Variants in NT5DC1 observed in about 807,000 individuals in gnomAD.
NT5DC1 encodes the protein 5'-nucleotidase domain containing 1, also known as 5'-nucleotidase domain-containing protein 1.
In NT5DC1, 42 loss-of-function variants were observed where a neutral mutation model predicts 59.4. The ratio of observed to expected loss-of-function variants is 0.71; its 90% confidence interval spans 0.55 to 0.92. NT5DC1 has a LOEUF of 0.92. Ranked by LOEUF, NT5DC1 falls within the 40% of genes least tolerant of loss-of-function variation. The pLI is 0.00. For synonymous variants in NT5DC1, 172 were observed against 188.1 expected (o/e 0.91, Z 0.70); for missense variants, 501 against 537.1 (o/e 0.93, Z 0.66).
intron 8 of NT5DC1, among the ~76,000 whole-genome samples, chr6:116,226,888 A>G (rs1303248391): frequency 6.6e-6 from 1 of 152,116 alleles, no homozygotes; most frequent in Non-Finnish European, 1.5e-5. Flanking sequence ...ATGTTGTACA[A>G]CATGGTATTT....
Position 116,244,008 on chromosome 6 carries a change from CA to C in NT5DC1, c.1353del (p.Leu452Ter). 1 of 1,387,226 alleles carries C rather than the reference CA, an allele frequency of 7.2e-7. No individual in the cohort carries two copies. Among genetic ancestry groups the C allele is most frequent in the Non-Finnish European group, 1.0e-6 (1 of 988,302 alleles). 85.9% of individuals were successfully genotyped at this position (1,387,226 alleles called of 1,614,324 possible). The part of the protein sequence containing the change: ...NPPLVLSSDE[T>X]LISK ...CCACTGGTCTTATCAAGTGATGAGA[CA>C]CTGATATCCAAATAAGTTGTCTTTA... On this transcript the variant is annotated frameshift_variant, in exon 12 of 12. Transcript: ENST00000319550. LOFTEE classifies it high-confidence loss of function.
chr6:116,216,222 A>G (rs1440177487), intron 6 of NT5DC1, among the ~76,000 whole-genome samples: 2 of 152,190 alleles, frequency 1.3e-5, no homozygotes, highest in Non-Finnish European at 2.9e-5. Flanking sequence ...GGTAATAAAG[A>G]TACTATAAAA....
chr6:116,162,677 A>G (rs577808993), intron 6 of NT5DC1, among the ~76,000 whole-genome samples: 26 of 152,250 alleles, frequency 1.7e-4, no homozygotes, highest in Admixed American at 6.5e-4. Context: ...TCAGTTTGCT[A>G]GTATTTTGTT....
At chr6:116,195,841 T>C (rs1781213648) in intron 6 of NT5DC1, among the ~76,000 whole-genome samples, 2 of 151,958 alleles carry the variant, frequency 1.3e-5, no homozygotes, top group Admixed American at 1.3e-4. Context: ...ACCAAAGAGA[T>C]GCTATTTTCT....
intron 10 of NT5DC1, 114 bp downstream of exon 10, chr6:116,238,462 GT>G (rs1332432067): frequency 5.2e-6 from 1 of 191,406 alleles, no homozygotes. Context: ...ATACCATCAT[GT>G]TAAAAAAAAA....
chr6:116,238,999 C>T lies in NT5DC1; in HGVS notation c.1128C>T (p.Gly376=). ...TAAATACTTCATCTAAAAAATGGGG[C>T]TCTTTTTTTATTGATTCAGTTTTGG... The part of the protein sequence containing the change: ...KPLNTSSKKW[G]SFFIDSVLGL... The change falls in exon 11 of 12, where the codon GGC becomes GGT. Residue 376 remains glycine, a synonymous_variant. Transcript: ENST00000319550. 1 of 1,608,062 alleles carries T rather than the reference C, an allele frequency of 6.2e-7. No homozygotes were observed.
chr6:116,228,027 G>C lies in NT5DC1; in HGVS notation c.802+4896G>C, dbSNP rs547800233. Among the ~76,000 whole-genome samples the C allele has an allele frequency of 5.3e-5, 8 of 152,254 alleles. No homozygotes were observed. In the South Asian group the frequency reaches 8.3e-4, roughly 16 times the overall value. ...ATTTCGGGATATAGCCAGAAAGTCT[G>C]ATAAAAATTTCATTTTAACTAGCAG... On this transcript the variant is annotated intron_variant, in intron 8 of 11. Coordinates refer to ENST00000319550, the MANE Select transcript of NT5DC1 (RefSeq NM_152729.3).
chr6:116,121,753 T>C (rs775083247), intron 6 of NT5DC1: 1 of 1,613,772 alleles, frequency 6.2e-7, no homozygotes, highest in Non-Finnish European at 8.5e-7. Context: ...GTCCATATGG[T>C]CCTCTCTCTC....
At chr6:116,151,262 G>T (rs1315637580) in intron 6 of NT5DC1, among the ~76,000 whole-genome samples, 1 of 152,158 alleles carries the variant, frequency 6.6e-6, no homozygotes, top group South Asian at 2.1e-4. Context: ...ATCAGAATAT[G>T]TGGGCCTGTG....
chr6:116,192,453 G>A (rs1275495713), intron 6 of NT5DC1, among the ~76,000 whole-genome samples: 3 of 151,956 alleles, frequency 2.0e-5, no homozygotes, highest in Admixed American at 2.0e-4. Context: ...TAGTACTAGG[G>A]TTTAACTATA....
rs190041231 is a variant in NT5DC1, at chr6:116,249,068, G to T, written c.*5044G>T. On this transcript the variant is annotated 3_prime_UTR_variant, in exon 12 of 12. Coordinates refer to ENST00000319550, the MANE Select transcript of NT5DC1 (RefSeq NM_152729.3). Reference sequence around the variant, plus strand: ...AAAGGTATAATAAAGCTTGAAACAGGTGGCTGACAATGCAGAAATCAATCA... The same window carrying T: ...AAAGGTATAATAAAGCTTGAAACAGTTGGCTGACAATGCAGAAATCAATCA... The T allele has an allele frequency of 6.6e-6, 1 of 152,188 alleles. No individual in the cohort carries two copies. The highest frequency in any genetic ancestry group is 2.4e-5 in the African/African-American group (1 of 41,438). The allele number at this position is 152,188 out of a possible 1,614,324, so 9.4% of individuals were successfully genotyped here. A position where few individuals can be genotyped will look rare whatever the true frequency, so the allele number is the denominator to read the frequency against.
At chr6:116,116,575 G>T (rs1180543702) in intron 5 of NT5DC1, among the ~76,000 whole-genome samples, 1 of 152,186 alleles carries the variant, frequency 6.6e-6, no homozygotes, top group African/African-American at 2.4e-5. Flanking sequence ...CCGGGAGGCA[G>T]ATGTTGCAGT....
chr6:116,200,632 G>A lies in NT5DC1; in HGVS notation c.530-20422G>A, dbSNP rs182557908. The stretch of plus-strand genomic sequence containing the variant: ...TTATTTTATCCAGAAGGATATTATC[G>A]AGCTCTGGTATATAATTCCCTTAGT... On this transcript the variant is annotated intron_variant, in intron 6 of 11. Transcript: ENST00000319550. 9.7e-4 allele frequency among the ~76,000 whole-genome samples: 148 copies of A among 151,892 alleles called. 1 individual carries two copies. Among genetic ancestry groups the A allele is most frequent in the African/African-American group, 3.4e-3 (143 of 41,454 alleles).
intron 6 of NT5DC1, among the ~76,000 whole-genome samples, chr6:116,192,267 A>G (rs751800906): frequency 1.1e-4 from 16 of 152,020 alleles, no homozygotes; most frequent in Non-Finnish European, 1.8e-4. Context: ...TATATGTGTT[A>G]TGTTAAGCAC....
intron 6 of NT5DC1, among the ~76,000 whole-genome samples, chr6:116,178,766 C>T (rs1484559761): frequency 6.6e-6 from 1 of 152,192 alleles, no homozygotes; most frequent in Non-Finnish European, 1.5e-5. Context: ...GTGAGCATCT[C>T]AGAAGGGGAG....
intron 6 of NT5DC1, among the ~76,000 whole-genome samples, chr6:116,207,155 A>G (rs1781470005): frequency 6.6e-6 from 1 of 151,974 alleles, no homozygotes; most frequent in South Asian, 2.1e-4. Context: ...CTCTGCATTA[A>G]TAACTATACC....
At chr6:116,146,358 ATCATAC>A (rs1054679974) in intron 6 of NT5DC1, among the ~76,000 whole-genome samples, 12 of 152,204 alleles carry the variant, frequency 7.9e-5, no homozygotes, top group African/African-American at 2.9e-4. Context: ...AATAGACTTT[ATCATAC>A]TCTGACCTCC....
chr6:116,208,358 C>T (rs749226044), intron 6 of NT5DC1, among the ~76,000 whole-genome samples: 6 of 151,960 alleles, frequency 3.9e-5, no homozygotes, highest in Non-Finnish European at 7.4e-5. Flanking sequence ...ACAAAACCCT[C>T]CCAAAATGTT....
At chr6:116,177,096 G>A (rs1013029744) in intron 6 of NT5DC1, among the ~76,000 whole-genome samples, 8 of 152,090 alleles carry the variant, frequency 5.3e-5, no homozygotes, top group African/African-American at 1.9e-4. Flanking sequence ...TATGTGGACC[G>A]GTTTCAGTAT....
Sources: gnomAD v4.1 joint callset for allele counts (sites outside exome capture counted in the v4.1 genomes callset) on GRCh38, gnomAD v4.1.1 for gene constraint, MANE v1.5 for transcripts, NCBI Gene and HGNC (gene_info 2026-07-23, HGNC 2026-07-21) for gene names.